The following SLCO6A1 variants were observed in gnomAD, a reference collection of about 807,000 sequenced individuals.
SLCO6A1 encodes the protein cancer/testis antigen 48.
In SLCO6A1, 65 loss-of-function variants were observed where a neutral mutation model predicts 72.7. The ratio of observed to expected loss-of-function variants is 0.89; its 90% CI spans 0.73 to 1.10. SLCO6A1 has a LOEUF of 1.10. Ranked by LOEUF, SLCO6A1 falls within the 50% of genes least tolerant of loss-of-function variation. The pLI is 0.00. For synonymous variants in SLCO6A1, 314 were observed against 298.2 expected (o/e 1.05, Z -0.55); for missense variants, 874 against 872.6 (o/e 1.00, Z -0.02).
intron 6 of SLCO6A1, among the ~76,000 whole-genome samples, chr5:102,441,470 G>A (rs766631195): frequency 3.3e-5 from 5 of 151,974 alleles, no homozygotes; most frequent in African/African-American, 4.8e-5. Context: ...TTACTACAGT[G>A]GTTTTTCTAG....
chr5:102,457,688 A>T (rs1302909936), intron 6 of SLCO6A1, among the ~76,000 whole-genome samples: 5 of 152,162 alleles, frequency 3.3e-5, no homozygotes, highest in African/African-American at 1.2e-4. Flanking sequence ...GCGGAAGTCA[A>T]TGTGGCGATT....
chr5:102,494,289 C>A (rs904909868), intron 1 of SLCO6A1, among the ~76,000 whole-genome samples: 2 of 152,036 alleles, frequency 1.3e-5, no homozygotes, highest in African/African-American at 4.8e-5. Flanking sequence ...CACAATGGAT[C>A]AGAGACCTAA....
intron 1 of SLCO6A1, among the ~76,000 whole-genome samples, chr5:102,492,446 A>G (rs1307049702): frequency 6.6e-6 from 1 of 152,208 alleles, no homozygotes; most frequent in African/African-American, 2.4e-5. Flanking sequence ...TCCAGTCTAC[A>G]GTTCCCAGCG....
chr5:102,461,297 G>C (rs560781333), intron 4 of SLCO6A1, among the ~76,000 whole-genome samples: 1 of 151,898 alleles, frequency 6.6e-6, no homozygotes, highest in South Asian at 2.1e-4. Flanking sequence ...CTTTATTGAA[G>C]GGTATAAAAG....
At chr5:102,471,298 C>G (rs1751598275) in intron 4 of SLCO6A1, among the ~76,000 whole-genome samples, 1 of 151,990 alleles carries the variant, frequency 6.6e-6, no homozygotes, top group Non-Finnish European at 1.5e-5. Context: ...CTCTAACTAC[C>G]CAAACAAGCT....
chr5:102,484,762 G>C (rs1052891668), intron 1 of SLCO6A1, among the ~76,000 whole-genome samples: 26 of 152,064 alleles, frequency 1.7e-4, no homozygotes, highest in African/African-American at 6.3e-4. Flanking sequence ...TTATACATCA[G>C]AAATTTTTTT....
intron 8 of SLCO6A1, among the ~76,000 whole-genome samples, chr5:102,419,598 TTTC>T (rs1156938416): frequency 6.6e-6 from 1 of 152,242 alleles, no homozygotes; most frequent in Non-Finnish European, 1.5e-5. Context: ...CAATGTGTTT[TTTC>T]TTCATTACTT....
chr5:102,395,043 A>T (rs917986728), intron 10 of SLCO6A1, among the ~76,000 whole-genome samples: 3 of 151,956 alleles, frequency 2.0e-5, no homozygotes, highest in Admixed American at 6.6e-5. Flanking sequence ...ACTTAAAAAA[A>T]TTTGTTTTTA....
At chr5:102,393,393 T>A (rs569890997) in intron 10 of SLCO6A1, among the ~76,000 whole-genome samples, 11 of 152,160 alleles carry the variant, frequency 7.2e-5, no homozygotes, top group Non-Finnish European at 1.3e-4. Flanking sequence ...TTACATTCTG[T>A]AATATGACAT....
chr5:102,397,630 G>C (rs1260281931), intron 10 of SLCO6A1, among the ~76,000 whole-genome samples: 3 of 152,024 alleles, frequency 2.0e-5, no homozygotes, highest in Non-Finnish European at 4.4e-5. Flanking sequence ...ATCTATGTAA[G>C]TCCTGCTCCC....
intron 7 of SLCO6A1, among the ~76,000 whole-genome samples, chr5:102,438,088 G>C (rs1212137882): frequency 6.6e-6 from 1 of 151,956 alleles, no homozygotes; most frequent in African/African-American, 2.4e-5. Flanking sequence ...ACGCTGGTTG[G>C]AAGAGAGAAA....
At position 102,424,548 on chromosome 5, in the gene SLCO6A1, A is replaced by G. The variant is rs190192823; in HGVS notation, c.1277-4527T>C. Among the ~76,000 whole-genome samples, 9 of 152,326 alleles carry G rather than the reference A, an allele frequency of 5.9e-5. No individual in the cohort carries two copies. In the East Asian group the frequency reaches 1.3e-3, roughly 23 times the overall value. ...TAAACTGATAAATTCCTGGACACATACACCCTCCCAAGACTAAACCAGGAA... is the reference window on the plus strand; with the variant it reads ...TAAACTGATAAATTCCTGGACACATGCACCCTCCCAAGACTAAACCAGGAA... On this transcript the variant is annotated intron_variant, in intron 7 of 13. Coordinates refer to ENST00000506729, the MANE Select transcript of SLCO6A1 (RefSeq NM_173488.5).
intron 11 of SLCO6A1, among the ~76,000 whole-genome samples, chr5:102,389,274 A>C (rs1561420357): frequency 6.6e-6 from 1 of 152,170 alleles, no homozygotes; most frequent in South Asian, 2.1e-4. Flanking sequence ...GAGAAAAATA[A>C]CTGAAAATGC....
At chr5:102,480,039 C>A in intron 2 of SLCO6A1, 138 bp downstream of exon 2, 1 of 776,174 alleles carries the variant, frequency 1.3e-6, no homozygotes, top group Non-Finnish European at 2.0e-6. Context: ...AGTTAATTAG[C>A]AAACTTGGTC....
chr5:102,375,256 A>G (rs1745715986), intron 12 of SLCO6A1, among the ~76,000 whole-genome samples: 1 of 152,156 alleles, frequency 6.6e-6, no homozygotes, highest in Non-Finnish European at 1.5e-5. Flanking sequence ...AGGTCTACAC[A>G]ATTTTGCCAT....
rs185322737 is a variant in SLCO6A1, at chr5:102,442,857, T to C, written c.1132-4096A>G. Among the ~76,000 whole-genome samples, 286 of 151,596 alleles carry C rather than the reference T, an allele frequency of 1.9e-3. 3 individuals are homozygous for C. The highest frequency in any genetic ancestry group is 6.7e-3 in the African/African-American group (276 of 41,398). ...GGTGGGCGGCTCATGAGGTCAGGAG[T>C]TCGAGACCAGCCTGGCCAACATGGT... On this transcript the variant is annotated intron_variant, in intron 6 of 13. Transcript: ENST00000506729.
rs1745783635 is a variant in SLCO6A1, at chr5:102,376,188, A to G, written c.2018-2694T>C. Among the ~76,000 whole-genome samples, 3 of 152,208 alleles carry G rather than the reference A, an allele frequency of 2.0e-5. No individual in the cohort carries two copies. In the South Asian group the frequency reaches 6.2e-4, roughly 31 times the overall value. ...TTACAGGATTCTATATTAAGCAAAA[A>G]TATCTTTCAAAAATAAACATAGCCA... On this transcript the variant is annotated intron_variant, in intron 12 of 13. Transcript: ENST00000506729.
intron 6 of SLCO6A1, among the ~76,000 whole-genome samples, chr5:102,442,878 A>G (rs973732521): frequency 8.4e-5 from 12 of 142,544 alleles, no homozygotes; most frequent in African/African-American, 2.9e-4. Context: ...CCTGGCCAAC[A>G]TGGTGAAACC....
chr5:102,416,366 T>C (rs1243008391), intron 8 of SLCO6A1, among the ~76,000 whole-genome samples: 9 of 151,968 alleles, frequency 5.9e-5, no homozygotes, highest in Admixed American at 5.2e-4. Flanking sequence ...TATACATATA[T>C]ATACACACAC....
Sources: gnomAD v4.1 joint callset for allele counts (sites outside exome capture counted in the v4.1 genomes callset) on GRCh38, gnomAD v4.1.1 for gene constraint, MANE v1.5 for transcripts, NCBI Gene and HGNC (gene_info 2026-07-23, HGNC 2026-07-21) for gene names.